CALML4: variants seen among roughly 807,000 people sequenced by gnomAD.
CALML4 encodes the protein calmodulin-like protein 4.
In CALML4, 16 loss-of-function variants were observed where a neutral mutation model predicts 17.9. That is an observed-to-expected ratio of 0.89 (90% CI 0.61 to 1.36). The LOEUF (loss-of-function observed/expected upper bound fraction) is 1.36. CALML4 is among the 40% of genes most tolerant of loss of function. The pLI is 0.00. For missense variants in CALML4, 203 were observed against 194.8 expected (o/e 1.04, Z -0.25); for synonymous variants, 86 against 71.5 (o/e 1.20, Z -1.02).
rs1047282346 is a variant in CALML4 at position 68,200,703 on chromosome 15, G to C, written c.35-1022C>G. Among the ~76,000 whole-genome samples, 11 of 152,122 alleles carry C rather than the reference G, an allele frequency of 7.2e-5. No homozygotes were observed. Reference sequence around the variant, plus strand: ...GCCTGGCGCTGGCCCTCCCAGGCTGGGGCTCAGGGCTCTGTTCTCTCTCCT... The same window carrying C: ...GCCTGGCGCTGGCCCTCCCAGGCTGCGGCTCAGGGCTCTGTTCTCTCTCCT... On this transcript the variant is annotated intron_variant, in intron 2 of 4. Transcript: ENST00000467889. This position sits in a 1 kb window ranked among gnomAD's most constrained non-coding sequence, Gnocchi z 4.3.
chr15:68,205,835 G>A (rs974117533), upstream of CALML4: 5 of 192,954 alleles, frequency 2.6e-5, no homozygotes, highest in Non-Finnish European at 5.5e-5. The surrounding 1 kb of genome is among the most constrained non-coding windows in gnomAD (Gnocchi z 4.8). Context: ...AGTGACTGGC[G>A]AATCATTCTA....
chr15:68,197,936 G>A lies in CALML4; in HGVS notation c.176-308C>T, dbSNP rs536931703. 174 of 318,788 alleles carry A rather than the reference G, an allele frequency of 5.5e-4. 2 individuals carry two copies. The highest frequency in any genetic ancestry group is 1.9e-3 in the Middle Eastern group (2 of 1,058). 19.7% of individuals were successfully genotyped at this position (318,788 alleles called of 1,614,324 possible). A position where few individuals can be genotyped will look rare whatever the true frequency, so the allele number is the denominator to read the frequency against. ...CTGGGCTCCTCTGCTCCCTTCTAGC[G>A]CTTCCCTCCTGCCCTGAACTGGAGG... is the stretch of plus-strand genomic sequence containing the variant. On this transcript the variant is annotated intron_variant, in intron 3 of 4. Coordinates refer to ENST00000467889, the MANE Select transcript of CALML4 (RefSeq NM_033429.3). The surrounding 1 kb of genome is among the most constrained non-coding windows in gnomAD (Gnocchi z 4.1).
At position 68,193,729 on chromosome 15, in the gene CALML4, C is replaced by G. The variant is rs924210091; in HGVS notation, c.*286G>C. The G allele has an allele frequency of 3.0e-6, 1 of 332,072 alleles. No individual in the cohort carries two copies. The highest frequency in any genetic ancestry group is 4.3e-5 in the Admixed American group (1 of 23,120). The allele number at this position is 332,072 out of a possible 1,614,324, so 20.6% of individuals were successfully genotyped here. ...AAAGTCACAGTGGGAAGCAGCAGAG[C>G]CAGGACTGGAACCCAGGCCAGACTC... On this transcript the variant is annotated 3_prime_UTR_variant, in exon 5 of 5. Coordinates refer to ENST00000467889, the MANE Select transcript of CALML4 (RefSeq NM_033429.3).
At chr15:68,205,367 C>T (rs779510759), upstream of CALML4, 25 of 1,613,680 alleles carry the variant, frequency 1.5e-5, no homozygotes, top group Non-Finnish European at 1.9e-5. The surrounding 1 kb of genome is among the most constrained non-coding windows in gnomAD (Gnocchi z 4.8). Context: ...AATAAATGCT[C>T]GGCTGCCATG....
At chr15:68,194,964 G>C (rs2093137406) in intron 4 of CALML4, among the ~76,000 whole-genome samples, 1 of 150,416 alleles carries the variant, frequency 6.6e-6, no homozygotes, top group African/African-American at 2.5e-5. Flanking sequence ...GGGGGATGGG[G>C]TTTATATGAG....
intron 4 of CALML4, among the ~76,000 whole-genome samples, chr15:68,194,403 A>AT (rs1555436532): frequency 1.4e-5 from 2 of 140,008 alleles, no homozygotes; most frequent in Non-Finnish European, 3.0e-5. Flanking sequence ...TTTTTTTTTT[A>AT]AAACAGTTTC....
At position 68,197,309 on chromosome 15, in the gene CALML4, C is replaced by T. The variant is rs566530501; in HGVS notation, c.364+131G>A. 1 of 805,456 alleles carries T rather than the reference C, an allele frequency of 1.2e-6. No homozygotes were observed. Among genetic ancestry groups the T allele is most frequent in the East Asian group, 2.5e-5 (1 of 39,778 alleles). The allele number at this position is 805,456 out of a possible 1,614,324, so 49.9% of individuals were successfully genotyped here. ...CAGCACCCACCTAGTGTGGCATCTGCTCACAGTCTCCTGCGCGCGCATCAA... is the reference window on the plus strand; with the variant it reads ...CAGCACCCACCTAGTGTGGCATCTGTTCACAGTCTCCTGCGCGCGCATCAA... On this transcript the variant is annotated intron_variant, in intron 4 of 4. Coordinates refer to ENST00000467889, the MANE Select transcript of CALML4 (RefSeq NM_033429.3). The surrounding 1 kb of genome is among the most constrained non-coding windows in gnomAD (Gnocchi z 4.1).
chr15:68,191,134 A>G lies in CALML4; in HGVS notation c.*2881T>C, dbSNP rs2093117789. 1 of 152,566 alleles carries G rather than the reference A, an allele frequency of 6.6e-6. No homozygotes were observed. Among genetic ancestry groups the G allele is most frequent in the African/African-American group, 2.4e-5 (1 of 41,386 alleles). 9.5% of individuals were successfully genotyped at this position (152,566 alleles called of 1,614,324 possible). ...TTAAATACAAAGCTTAGATTTCAGA[A>G]AGAGAGGGAAAATAGCTGGTGGTCC... On this transcript the variant is annotated 3_prime_UTR_variant, in exon 5 of 5. Coordinates refer to ENST00000467889, the MANE Select transcript of CALML4 (RefSeq NM_033429.3).
rs1017163918 is a variant in CALML4, at chr15:68,204,870, A to G, written c.34+251T>C. Among the ~76,000 whole-genome samples, 2 of 152,048 alleles carry G rather than the reference A, an allele frequency of 1.3e-5. No individual in the cohort carries two copies. Among genetic ancestry groups the G allele is most frequent in the Non-Finnish European group, 2.9e-5 (2 of 67,986 alleles). ...CCAACTGGTCAGGTTCTGGAGGGAA[A>G]CCTAGTAAGTTCTGTCTTAGCGCCC... On this transcript the variant is annotated intron_variant, in intron 2 of 4. Coordinates refer to ENST00000467889, the MANE Select transcript of CALML4 (RefSeq NM_033429.3). This position sits in a 1 kb window ranked among gnomAD's most constrained non-coding sequence, Gnocchi z 6.0.
intron 2 of CALML4, among the ~76,000 whole-genome samples, chr15:68,202,643 CTTTTT>C (rs35347293): frequency 4.7e-5 from 6 of 127,796 alleles, no homozygotes; most frequent in Non-Finnish European, 6.6e-5. Flanking sequence ...GTTTTGCCAA[CTTTTT>C]TTTTTTTTTT....
upstream of CALML4, chr15:68,205,660 G>T (rs2093181217): frequency 4.7e-6 from 2 of 425,322 alleles, no homozygotes; most frequent in Non-Finnish European, 8.8e-6. This position sits in a 1 kb window ranked among gnomAD's most constrained non-coding sequence, Gnocchi z 4.8. Context: ...GGGTCGTATT[G>T]AAGGCTCCTC....
chr15:68,196,449 T>C (rs894689266), intron 4 of CALML4, among the ~76,000 whole-genome samples: 9 of 152,182 alleles, frequency 5.9e-5, no homozygotes, highest in Admixed American at 3.9e-4. Context: ...CAGTGGTTTA[T>C]TGTGATTTAA....
upstream of CALML4, chr15:68,205,616 C>T (rs2093180897): frequency 5.6e-6 from 3 of 538,312 alleles, no homozygotes; most frequent in Admixed American, 9.4e-5. This position sits in a 1 kb window ranked among gnomAD's most constrained non-coding sequence, Gnocchi z 4.8. Context: ...GGGATGCCAT[C>T]AGGCCCCTAC....
intron 4 of CALML4, among the ~76,000 whole-genome samples, chr15:68,195,770 T>G (rs2093141765): frequency 6.6e-6 from 1 of 152,188 alleles, no homozygotes; most frequent in Non-Finnish European, 1.5e-5. Flanking sequence ...TCGGTGTCCC[T>G]GCTTGTCTGG....
Position 68,197,829 on chromosome 15 carries a change from T to C in CALML4, c.176-201A>G. 1 of 563,424 alleles carries C rather than the reference T, an allele frequency of 1.8e-6. No individual in the cohort carries two copies. Among genetic ancestry groups the C allele is most frequent in the Non-Finnish European group, 3.2e-6 (1 of 316,670 alleles). 34.9% of individuals were successfully genotyped at this position (563,424 alleles called of 1,614,324 possible). On this transcript the variant is annotated intron_variant, in intron 3 of 4. Coordinates refer to ENST00000467889, the MANE Select transcript of CALML4 (RefSeq NM_033429.3). The surrounding 1 kb of genome is among the most constrained non-coding windows in gnomAD (Gnocchi z 4.1). ...GGCCCCTCACTGGACTGGACATTCT[T>C]CATTTCAGCAACGTCCTCAGTGACG... is the stretch of plus-strand genomic sequence containing the variant.
chr15:68,205,542 T>C, upstream of CALML4: 2 of 803,818 alleles, frequency 2.5e-6, no homozygotes, highest in Non-Finnish European at 3.8e-6. This position sits in a 1 kb window ranked among gnomAD's most constrained non-coding sequence, Gnocchi z 4.8. Flanking sequence ...CAAATGCCAG[T>C]GTTTCTTCCC....
At chr15:68,194,297 T>C (rs955049773) in intron 4 of CALML4, among the ~76,000 whole-genome samples, 185 bp from the exon 5 acceptor site, 3 of 151,890 alleles carry the variant, frequency 2.0e-5, no homozygotes, top group Admixed American at 2.0e-4. Context: ...GAGACCCTTA[T>C]TCCATTTTGA....
chr15:68,199,201 T>C (rs2093156617), intron 3 of CALML4, among the ~76,000 whole-genome samples: 1 of 151,736 alleles, frequency 6.6e-6, no homozygotes, highest in East Asian at 1.9e-4. Flanking sequence ...GCCTACTTCA[T>C]AGGGTTTTTG....
Position 68,193,413 on chromosome 15 carries a change from C to G in CALML4, c.*602G>C, listed in dbSNP as rs1176510312. On this transcript the variant is annotated 3_prime_UTR_variant, in exon 5 of 5. Coordinates refer to ENST00000467889, the MANE Select transcript of CALML4 (RefSeq NM_033429.3). ...TGAATGAATAGCCTGAGCTATGTCA[C>G]TATATCTGTTGAGATGGAAATGAGA... 6.5e-6 allele frequency: 1 copy of G among 152,714 alleles called. No homozygotes were observed. The highest frequency in any genetic ancestry group is 1.5e-5 in the Non-Finnish European group (1 of 68,398). The allele number at this position is 152,714 out of a possible 1,614,324, so 9.5% of individuals were successfully genotyped here.
Sources: gnomAD v4.1 joint callset for allele counts (sites outside exome capture counted in the v4.1 genomes callset) on GRCh38, gnomAD v4.1.1 for gene constraint, Gnocchi (gnomAD v3.1) non-coding constraint, MANE v1.5 for transcripts, NCBI Gene and HGNC (gene_info 2026-07-23, HGNC 2026-07-21) for gene names.